The following GMDS variants were observed in gnomAD, a reference collection of about 807,000 sequenced individuals.
The protein encoded by GMDS is GDP-mannose 4,6-dehydratase, also known as GDP-mannose 4,6 dehydratase.
A neutral mutation model predicts 49.9 loss-of-function variants in GMDS; 20 were observed. The observed-to-expected ratio is 0.40, with a 90% CI of 0.28 to 0.58. The LOEUF (loss-of-function observed/expected upper bound fraction) is 0.58. GMDS is among the 20% of genes least tolerant of loss of function. GMDS has a pLI of 0.42. For missense variants in GMDS, 362 were observed against 481.4 expected, an observed-to-expected ratio of 0.75 and a Z score of 2.32; for synonymous variants, 177 against 178.6, an observed-to-expected ratio of 0.99 and a Z score of 0.07.
chr6:1,674,159 CT>C (rs57772993), intron 9 of GMDS, among the ~76,000 whole-genome samples: 50,025 of 151,088 alleles, frequency 0.33, 8,681 homozygotes, highest in Middle Eastern at 0.47. Context: ...ACAAGAGTTC[CT>C]GCTGCTCCTC....
At chr6:1,999,061 C>G (rs2325757) in intron 4 of GMDS, among the ~76,000 whole-genome samples, 16 of 152,178 alleles carry the variant, frequency 1.1e-4, no homozygotes, top group African/African-American at 3.9e-4. Context: ...CGGTGGCTCA[C>G]GCCTGTAATC....
intron 4 of GMDS, among the ~76,000 whole-genome samples, chr6:2,041,804 G>A (rs530296646): frequency 4.6e-5 from 7 of 152,290 alleles, no homozygotes; most frequent in African/African-American, 1.4e-4. Context: ...AAAAGTTTCA[G>A]GTAAAAATGG....
At chr6:2,061,306 A>T (rs1038562752) in intron 4 of GMDS, among the ~76,000 whole-genome samples, 98 of 152,206 alleles carry the variant, frequency 6.4e-4, no homozygotes, top group African/African-American at 2.3e-3. Flanking sequence ...CACATCTGAG[A>T]TGAGATGAAA....
intron 7 of GMDS, among the ~76,000 whole-genome samples, chr6:1,780,928 T>A (rs933221199): frequency 6.6e-6 from 1 of 152,220 alleles, no homozygotes; most frequent in Non-Finnish European, 1.5e-5. Context: ...ATTTCCCTTC[T>A]CCTTTTCCTT....
intron 4 of GMDS, among the ~76,000 whole-genome samples, chr6:2,005,161 TG>T (rs1366252032): frequency 6.6e-6 from 1 of 152,212 alleles, no homozygotes; most frequent in Non-Finnish European, 1.5e-5. Flanking sequence ...AGACTGTTAC[TG>T]TGAGTTTTAA....
chr6:2,076,682 T>C (rs111714863), intron 4 of GMDS, among the ~76,000 whole-genome samples: 1,921 of 152,310 alleles, frequency 0.013, 34 homozygotes, highest in African/African-American at 0.042. Flanking sequence ...ATTTAATAAA[T>C]GGTGCTGGGA....
At chr6:1,909,702 T>C (rs1319953265) in intron 7 of GMDS, among the ~76,000 whole-genome samples, 1 of 152,186 alleles carries the variant, frequency 6.6e-6, no homozygotes, top group African/African-American at 2.4e-5. Context: ...GTCTTCTGCT[T>C]ACTCCTTCCA....
intron 4 of GMDS, among the ~76,000 whole-genome samples, chr6:2,035,650 C>G (rs1167638317): frequency 6.6e-6 from 1 of 152,010 alleles, no homozygotes; most frequent in East Asian, 1.9e-4. Flanking sequence ...TAACACAGAA[C>G]AACAGAGTAA....
intron 6 of GMDS, among the ~76,000 whole-genome samples, chr6:1,949,399 A>G (rs1186685864): frequency 6.6e-6 from 1 of 152,204 alleles, no homozygotes; most frequent in African/African-American, 2.4e-5. Flanking sequence ...ACTGTGCTAC[A>G]TGTCATCAGA....
At chr6:1,803,085 T>C (rs1297865918) in intron 7 of GMDS, among the ~76,000 whole-genome samples, 1 of 152,244 alleles carries the variant, frequency 6.6e-6, no homozygotes, top group Admixed American at 6.5e-5. Context: ...CTAGTTAAAT[T>C]CTTTTTTCCC....
chr6:1,746,689 T>TTTTA (rs138136400), intron 7 of GMDS, among the ~76,000 whole-genome samples: 72 of 150,570 alleles, frequency 4.8e-4, no homozygotes, highest in East Asian at 3.1e-3. Flanking sequence ...AAAACTTTAG[T>TTTTA]TTTATTTATT....
intron 7 of GMDS, among the ~76,000 whole-genome samples, 154 bp downstream of exon 7, chr6:1,929,949 T>A (rs1243389300): frequency 6.6e-6 from 1 of 152,194 alleles, no homozygotes; most frequent in Non-Finnish European, 1.5e-5. Context: ...GAACGACTGA[T>A]CCCTGAAGTG....
intron 6 of GMDS, among the ~76,000 whole-genome samples, chr6:1,944,289 G>A (rs1457013568): frequency 6.6e-6 from 1 of 152,146 alleles, no homozygotes; most frequent in East Asian, 1.9e-4. Flanking sequence ...GACGGATCAC[G>A]AGATCAGGAG....
chr6:2,233,881 T>A (rs549565587), intron 1 of GMDS, among the ~76,000 whole-genome samples: 1 of 152,338 alleles, frequency 6.6e-6, no homozygotes, highest in South Asian at 2.1e-4. Flanking sequence ...ATACAGTTTG[T>A]CGATCCTGCT....
intron 4 of GMDS, among the ~76,000 whole-genome samples, chr6:2,029,397 T>A (rs982070939): frequency 6.6e-6 from 1 of 152,192 alleles, no homozygotes; most frequent in African/African-American, 2.4e-5. Context: ...CTATCAGTAA[T>A]CCTTGGGGCA....
At chr6:2,008,247 G>C (rs1288179121) in intron 4 of GMDS, among the ~76,000 whole-genome samples, 1 of 152,096 alleles carries the variant, frequency 6.6e-6, no homozygotes, top group Non-Finnish European at 1.5e-5. Context: ...AATTTCAGTA[G>C]GAAAGCATTT....
At chr6:2,097,527 ACT>A (rs1283128499) in intron 4 of GMDS, among the ~76,000 whole-genome samples, 1 of 152,202 alleles carries the variant, frequency 6.6e-6, no homozygotes, top group African/African-American at 2.4e-5. Context: ...TAATAAATCC[ACT>A]GTTTTCCCCC....
intron 1 of GMDS, among the ~76,000 whole-genome samples, chr6:2,165,835 G>A (rs1468415759): frequency 6.6e-6 from 1 of 152,048 alleles, no homozygotes; most frequent in African/African-American, 2.4e-5. Flanking sequence ...AAATAAAAAT[G>A]GGCAGTTCTG....
intron 9 of GMDS, among the ~76,000 whole-genome samples, chr6:1,718,004 C>T (rs1046907724): frequency 1.3e-5 from 2 of 151,942 alleles, no homozygotes; most frequent in African/African-American, 2.4e-5. Flanking sequence ...TTAATCTGGC[C>T]CTATGGCTCT....
Sources: allele counts gnomAD v4.1 joint callset (sites outside exome capture counted in the v4.1 genomes callset), GRCh38; gene constraint gnomAD v4.1.1; transcripts MANE v1.5; gene names NCBI Gene and HGNC (gene_info 2026-07-23, HGNC 2026-07-21).